The following PI4K2B variants were observed in gnomAD, a reference collection of about 807,000 sequenced individuals.
The protein encoded by PI4K2B is phosphatidylinositol 4-kinase type 2-beta.
A neutral mutation model predicts 56.6 loss-of-function variants in PI4K2B; 46 were observed. The ratio of observed to expected loss-of-function variants is 0.81; its 90% confidence interval spans 0.64 to 1.04. The LOEUF (loss-of-function observed/expected upper bound fraction) is 1.04. Ranked by LOEUF, PI4K2B falls within the 50% of genes least tolerant of loss-of-function variation. The probability of loss-of-function intolerance (pLI) is 0.00; values close to 1 mark genes in which losing one functional copy is unlikely to be tolerated. For synonymous variants in PI4K2B, 211 were observed against 223.8 expected (o/e 0.94, Z 0.51); for missense variants, 556 against 607.7 (o/e 0.91, Z 0.89).
At chr4:25,238,283 G>A (rs563056723) in intron 1 of PI4K2B, among the ~76,000 whole-genome samples, 1 of 152,332 alleles carries the variant, frequency 6.6e-6, no homozygotes, top group East Asian at 1.9e-4. Flanking sequence ...AACCAAAACA[G>A]AACAGACAAA....
At chr4:25,240,637 G>A (rs73252565) in intron 1 of PI4K2B, among the ~76,000 whole-genome samples, 1,864 of 152,268 alleles carry the variant, frequency 0.012, 22 homozygotes, top group Non-Finnish European at 0.02. Context: ...GATATTGGTC[G>A]ATGTTCCACA....
chr4:25,266,477 C>T (rs889015770), intron 7 of PI4K2B, among the ~76,000 whole-genome samples: 1 of 152,170 alleles, frequency 6.6e-6, no homozygotes, highest in African/African-American at 2.4e-5. Context: ...TACGCTTAAG[C>T]TTTTCCTGCC....
intron 1 of PI4K2B, among the ~76,000 whole-genome samples, chr4:25,239,202 C>A (rs964029351): frequency 5.3e-5 from 8 of 152,206 alleles, no homozygotes; most frequent in Non-Finnish European, 7.3e-5. Context: ...ACACTGGGGC[C>A]ACAGGTGGAG....
chr4:25,264,473 T>A (rs1417206629), intron 7 of PI4K2B, among the ~76,000 whole-genome samples: 1 of 149,756 alleles, frequency 6.7e-6, no homozygotes, highest in Non-Finnish European at 1.5e-5. Context: ...ATATTGGTGG[T>A]GTGGACCAGG....
At chr4:25,257,824 G>A (rs1716311820) in intron 4 of PI4K2B, among the ~76,000 whole-genome samples, 1 of 152,168 alleles carries the variant, frequency 6.6e-6, no homozygotes, top group Non-Finnish European at 1.5e-5. Context: ...GACTAAAGGA[G>A]GATGTTATTT....
At chr4:25,255,320 C>T in intron 3 of PI4K2B, 55 bp downstream of exon 3, 2 of 1,402,316 alleles carry the variant, frequency 1.4e-6, no homozygotes, top group Non-Finnish European at 1.0e-6. Context: ...CTGCTTATAT[C>T]TGAATATTTC....
At chr4:25,259,268 T>A in intron 5 of PI4K2B, 78 bp downstream of exon 5, 1 of 1,023,774 alleles carries the variant, frequency 9.8e-7, no homozygotes, top group Non-Finnish European at 1.4e-6. Context: ...ATCAAAGCGG[T>A]AAACTTTTGT....
intron 6 of PI4K2B, among the ~76,000 whole-genome samples, chr4:25,260,951 A>G (rs1402482310): frequency 1.4e-5 from 2 of 146,732 alleles, no homozygotes; most frequent in Non-Finnish European, 3.0e-5. Context: ...CAAGCAATCC[A>G]TCCGCCTTGG....
chr4:25,252,940 C>G (rs1023274546), intron 2 of PI4K2B, among the ~76,000 whole-genome samples: 2 of 152,198 alleles, frequency 1.3e-5, no homozygotes, highest in African/African-American at 4.8e-5. Context: ...CTAAAGCACT[C>G]TAGTGCTTAG....
intron 1 of PI4K2B, among the ~76,000 whole-genome samples, chr4:25,242,972 A>G (rs1467627405): frequency 6.6e-6 from 1 of 152,224 alleles, no homozygotes; most frequent in Non-Finnish European, 1.5e-5. Flanking sequence ...ATAACAAGAA[A>G]TGCATGTGAA....
chr4:25,251,282 C>G (rs1716038772), intron 1 of PI4K2B, among the ~76,000 whole-genome samples: 1 of 152,090 alleles, frequency 6.6e-6, no homozygotes, highest in Admixed American at 6.5e-5. Context: ...AAATAGGAAG[C>G]TAGATCCTCT....
chr4:25,277,290 A>T lies in PI4K2B; in HGVS notation c.*103A>T. On this transcript the variant is annotated 3_prime_UTR_variant, in exon 10 of 10. Transcript: ENST00000264864. Reference sequence around the variant, plus strand: ...TAGGAGCTCCAGTTGCTAAAACCTCAATTTAAGTCTTTAAAAGGTTGTATT... The same window carrying T: ...TAGGAGCTCCAGTTGCTAAAACCTCTATTTAAGTCTTTAAAAGGTTGTATT... 1 of 1,331,034 alleles carries T rather than the reference A, an allele frequency of 7.5e-7. No individual in the cohort carries two copies. Among genetic ancestry groups the T allele is most frequent in the Non-Finnish European group, 9.8e-7 (1 of 1,015,374 alleles). The allele number at this position is 1,331,034 out of a possible 1,614,324, so 82.5% of individuals were successfully genotyped here.
At chr4:25,245,743 G>A (rs150659862) in intron 1 of PI4K2B, among the ~76,000 whole-genome samples, 8 of 152,304 alleles carry the variant, frequency 5.3e-5, no homozygotes, top group Non-Finnish European at 1.2e-4. Flanking sequence ...ACTGCTTGGT[G>A]ATAGGTGACA....
rs368890517 is a variant in PI4K2B at position 25,268,930 on chromosome 4, T to C, written c.1213-214T>C. 9.2e-5 allele frequency among the ~76,000 whole-genome samples: 14 copies of C among 152,336 alleles called. 1 individual carries two copies. The South Asian group carries it at 2.9e-3, about 32-fold the overall frequency. On this transcript the variant is annotated intron_variant, in intron 8 of 9. Transcript: ENST00000264864. ...GGCTGGAAAGTCATGTTAAATCCTT[T>C]CTGGAACAAGTTCAGGTCCAAATAA...
intron 9 of PI4K2B, among the ~76,000 whole-genome samples, chr4:25,271,914 G>A (rs930684464): frequency 6.6e-6 from 1 of 152,186 alleles, no homozygotes; most frequent in Non-Finnish European, 1.5e-5. Context: ...AGGCAGAGGA[G>A]GGCAGATTGC....
At chr4:25,264,627 T>TC (rs1716599214) in intron 7 of PI4K2B, among the ~76,000 whole-genome samples, 1 of 152,158 alleles carries the variant, frequency 6.6e-6, no homozygotes, top group African/African-American at 2.4e-5. Flanking sequence ...ATCCCAGCAC[T>TC]TTGGGGGCTG....
rs572304003 is a variant in PI4K2B at position 25,268,827 on chromosome 4, A to G, written c.1212+251A>G. Among the ~76,000 whole-genome samples, 24 of 152,308 alleles carry G rather than the reference A, an allele frequency of 1.6e-4. No homozygotes were observed. In the South Asian group the frequency reaches 5.0e-3, roughly 32 times the overall value. ...TGTTTTCTTCAAAAGTTGAATTTTT[A>G]CAAGAAGACTCTATAAATTATAATA... On this transcript the variant is annotated intron_variant, in intron 8 of 9. Coordinates refer to ENST00000264864, the MANE Select transcript of PI4K2B (RefSeq NM_018323.4).
intron 9 of PI4K2B, among the ~76,000 whole-genome samples, chr4:25,273,084 G>A (rs925428467): frequency 6.6e-6 from 1 of 151,806 alleles, no homozygotes; most frequent in Non-Finnish European, 1.5e-5. Context: ...TATCAATGGC[G>A]TGCTCTAATT....
At chr4:25,254,185 T>C (rs941923907) in intron 2 of PI4K2B, among the ~76,000 whole-genome samples, 11 of 152,242 alleles carry the variant, frequency 7.2e-5, no homozygotes, top group African/African-American at 2.4e-4. Flanking sequence ...GTTTTTGTCA[T>C]TGGATTAGTT....
Sources: allele counts gnomAD v4.1 joint callset (sites outside exome capture counted in the v4.1 genomes callset), GRCh38; gene constraint gnomAD v4.1.1; transcripts MANE v1.5; gene names NCBI Gene and HGNC (gene_info 2026-07-23, HGNC 2026-07-21).